The following COL6A2 variants were observed in gnomAD, a reference collection of about 807,000 sequenced individuals.
COL6A2 encodes the protein collagen alpha-2(VI) chain.
Under a neutral mutation model 124.9 loss-of-function variants are expected in COL6A2, and 90 were observed. The observed-to-expected ratio is 0.72, with a 90% CI of 0.61 to 0.86. The LOEUF (loss-of-function observed/expected upper bound fraction) is 0.86. Ranked by LOEUF, COL6A2 falls within the 40% of genes least tolerant of loss-of-function variation. The pLI is 0.00. For missense variants in COL6A2, 1,607 were observed against 1,502.5 expected (o/e 1.07, Z -1.15); for synonymous variants, 793 against 618.2 (o/e 1.28, Z -4.19).
At position 46,125,882 on chromosome 21, in the gene COL6A2, G is replaced by A. The variant is rs1601250154; in HGVS notation, c.2067G>A (p.Glu689=). The part of the protein sequence containing the change: ...ERIDSLSSFK[E]AVKNLEWIAG... ...TCGACTCCCTGTCGAGCTTCAAGGA[G>A]GCTGTCAAGAACCTCGAGTGGATTG... The change falls in exon 26 of 28, where the codon GAG becomes GAA. Residue 689 remains glutamate, a synonymous_variant. Transcript: ENST00000300527. The A allele has an allele frequency of 1.9e-6, 3 of 1,613,174 alleles. No individual in the cohort carries two copies. Among genetic ancestry groups the A allele is most frequent in the Non-Finnish European group, 2.5e-6 (3 of 1,179,982 alleles).
intron 1 of COL6A2, among the ~76,000 whole-genome samples, chr21:46,103,943 C>G (rs1370587482): frequency 6.6e-6 from 1 of 152,138 alleles, no homozygotes; most frequent in Non-Finnish European, 1.5e-5. Flanking sequence ...CTAGCACATT[C>G]AAAAGCAACC....
intron 1 of COL6A2, among the ~76,000 whole-genome samples, chr21:46,101,323 C>G: frequency 6.6e-6 from 1 of 152,164 alleles, no homozygotes; most frequent in East Asian, 1.9e-4. Context: ...TTATTAGATA[C>G]ACAGTTTACA....
intron 1 of COL6A2, among the ~76,000 whole-genome samples, chr21:46,099,904 T>TTTTTTTTTC: frequency 6.8e-6 from 1 of 147,446 alleles, no homozygotes. Context: ...TTTTTTTTTT[T>TTTTTTTTTC]TTTTTTTTCT....
At position 46,125,898 on chromosome 21, in the gene COL6A2, G is replaced by A. The variant is rs377376395; in HGVS notation, c.2083G>A (p.Glu695Lys). Residue 695 changes from glutamate (E) to lysine (K), a missense_variant, in exon 26 of 28, where the codon GAG (glutamate) becomes AAG (lysine). This residue lies in a region of COL6A2 where 1,223 missense variants were observed against 1,052.2 expected (regional missense o/e 1.16). Coordinates refer to ENST00000300527, the MANE Select transcript of COL6A2 (RefSeq NM_001849.4). ...CTTCAAGGAGGCTGTCAAGAACCTC[G>A]AGTGGATTGCGGGCGGCACCTGGAC... ...SSFKEAVKNL[E>K]WIAGGTWTPS... The A allele has an allele frequency of 7.5e-5, 121 of 1,613,180 alleles. 1 individual carries two copies. The highest frequency in any genetic ancestry group is 8.6e-5 in the Non-Finnish European group (101 of 1,179,976).
At position 46,124,896 on chromosome 21, in the gene COL6A2, C is replaced by T. The variant is rs1158803111; in HGVS notation, c.1746C>T (p.Gly582=). Residue 582 remains glycine (G), a synonymous_variant, in exon 23 of 28, where the codon GGC becomes GGT. Coordinates refer to ENST00000300527, the MANE Select transcript of COL6A2 (RefSeq NM_001849.4). ...RGVPGPEGEP[G]PPGDPGLTEC... ...CCTTCCTTCCCCAGGGTGAGCCCGGCCCCCCTGGAGACCCCGGTCTCACGG... is the reference window on the plus strand; with the variant it reads ...CCTTCCTTCCCCAGGGTGAGCCCGGTCCCCCTGGAGACCCCGGTCTCACGG... 6 of 1,612,694 alleles carry T rather than the reference C, an allele frequency of 3.7e-6. No individual in the cohort carries two copies. The East Asian group carries it at 6.7e-5, about 18-fold the overall frequency.
At chr21:46,126,331 G>A (rs1384533354) in intron 26 of COL6A2, 94 bp downstream of exon 26, 43 of 1,517,550 alleles carry the variant, frequency 2.8e-5, no homozygotes, top group Non-Finnish European at 3.5e-5. Context: ...CCTGAGGGAT[G>A]AATGTGCAGC....
At position 46,119,113 on chromosome 21, in the gene COL6A2, C is replaced by T. The variant is rs778836612; in HGVS notation, c.1263C>T (p.Gly421=). 46 of 1,609,854 alleles carry T rather than the reference C, an allele frequency of 2.9e-5. No homozygotes were observed. Among genetic ancestry groups the T allele is most frequent in the East Asian group, 2.5e-4 (11 of 44,730 alleles). ...KGGPGPRGPK[G]EPGRRGDPGT... ...GGCCTGGGCCCCGCGGACCCAAAGG[C>T]GAGCCGGTGAGTCCCTCCTGCCCCT... is the stretch of plus-strand genomic sequence containing the variant. The change falls in exon 14 of 28, where the codon GGC becomes GGT. Residue 421 remains glycine (G), a synonymous_variant. Coordinates refer to ENST00000300527, the MANE Select transcript of COL6A2 (RefSeq NM_001849.4).
At chr21:46,112,669 T>G (rs2078421479) in intron 3 of COL6A2, 92 bp downstream of exon 3, 2 of 1,590,420 alleles carry the variant, frequency 1.3e-6, no homozygotes, top group Non-Finnish European at 8.6e-7. Context: ...CCTCTGTGAG[T>G]GCGGAGGCCG....
Position 46,126,204 on chromosome 21 carries a change from TTCA to T in COL6A2, c.2392_2394del (p.Ile798del), listed in dbSNP as rs886043731. On this transcript the variant is annotated inframe_deletion, in exon 26 of 28. Transcript: ENST00000300527. Reference sequence around the variant, plus strand: ...GTTCTCCGACCTGGTCGCTGAGAAGTTCATCGATGACATGGAGGACGTCCTCTG... The same window carrying T: ...GTTCTCCGACCTGGTCGCTGAGAAGTTCGATGACATGGAGGACGTCCTCTG... The T allele has an allele frequency of 6.2e-7, 1 of 1,602,146 alleles. No individual in the cohort carries two copies. The highest frequency in any genetic ancestry group is 8.5e-7 in the Non-Finnish European group (1 of 1,179,472).
chr21:46,130,603 C>T (rs920522013), intron 27 of COL6A2, among the ~76,000 whole-genome samples: 9 of 152,176 alleles, frequency 5.9e-5, no homozygotes, highest in Non-Finnish European at 4.4e-5. Flanking sequence ...TGTGCCTGGC[C>T]GGCCCCCACA....
chr21:46,131,196 C>G (rs946670913), intron 27 of COL6A2, among the ~76,000 whole-genome samples: 3 of 152,244 alleles, frequency 2.0e-5, no homozygotes, highest in Non-Finnish European at 4.4e-5. Flanking sequence ...CAGGTCCACG[C>G]AAGGACTGTC....
chr21:46,124,912 G>A lies in COL6A2; in HGVS notation c.1762G>A (p.Gly588Ser), dbSNP rs139488626. 1.0e-4 allele frequency: 161 copies of A among 1,612,904 alleles called. No homozygotes were observed. The highest frequency in any genetic ancestry group is 8.8e-4 in the African/African-American group (66 of 75,042). Residue 588 changes from glycine to serine, a missense_variant, in exon 23 of 28, where the codon GGT becomes AGT. This residue lies in a region of COL6A2 where 1,223 missense variants were observed against 1,052.2 expected (regional missense o/e 1.16). Transcript: ENST00000300527. ...EGEPGPPGDP[G>S]LTECDVMTYV... ...TGAGCCCGGCCCCCCTGGAGACCCC[G>A]GTCTCACGGTAGGTGTCACATGGGG...
At chr21:46,120,430 A>G in intron 15 of COL6A2, 85 bp from the exon 16 acceptor site, 1 of 1,125,100 alleles carries the variant, frequency 8.9e-7, no homozygotes. Context: ...CCCTTCCCCA[A>G]CCCCCGGCCA....
intron 27 of COL6A2, chr21:46,129,001 C>T (rs987823496): frequency 1.9e-6 from 3 of 1,606,350 alleles, no homozygotes; most frequent in Middle Eastern, 3.3e-4. Flanking sequence ...TGCCAGCTTC[C>T]TGTCCCTGTG....
rs752588419 is a variant in COL6A2, at chr21:46,115,874, T to C, written c.804T>C (p.Gly268=). The part of the protein sequence containing the change: ...SGPKGYRGQK[G]AKGNMGEPGE... Reference sequence around the variant, plus strand: ...TGTACTCTTTTCTCTGCTTTTAGGGTGCCAAGGGCAACATGGGTGAGCCGG... The same window carrying C: ...TGTACTCTTTTCTCTGCTTTTAGGGCGCCAAGGGCAACATGGGTGAGCCGG... Residue 268 remains glycine, a splice_region_variant and synonymous_variant, in exon 6 of 28, where the codon GGT becomes GGC. Coordinates refer to ENST00000300527, the MANE Select transcript of COL6A2 (RefSeq NM_001849.4). 6.2e-7 allele frequency: 1 copy of C among 1,612,640 alleles called. No homozygotes were observed. Among genetic ancestry groups the C allele is most frequent in the Non-Finnish European group, 8.5e-7 (1 of 1,179,948 alleles).
intron 12 of COL6A2, 55 bp from the exon 13 acceptor site, chr21:46,118,559 T>G (rs1407731138): frequency 7.0e-6 from 11 of 1,578,032 alleles, no homozygotes; most frequent in East Asian, 6.8e-5. Context: ...GCGGGCATCC[T>G]GCACCCCCCT....
chr21:46,114,093 T>A lies in COL6A2; in HGVS notation c.801+20T>A, dbSNP rs938112904. 6.2e-7 allele frequency: 1 copy of A among 1,601,988 alleles called. No homozygotes were observed. The highest frequency in any genetic ancestry group is 1.3e-5 in the African/African-American group (1 of 74,670). ...CAGAAGGTAAGATGCCCAGATTACC[T>A]GCAGGGTCTGCGCTACCAGGAAGCC... On this transcript the variant is annotated intron_variant, in intron 5 of 27. Coordinates refer to ENST00000300527, the MANE Select transcript of COL6A2 (RefSeq NM_001849.4).
At chr21:46,127,688 G>T (rs963475706) in intron 27 of COL6A2, among the ~76,000 whole-genome samples, 1 of 151,804 alleles carries the variant, frequency 6.6e-6, no homozygotes, top group Non-Finnish European at 1.5e-5. Flanking sequence ...CATGATGGGC[G>T]ACATGGCGAT....
rs2078664599 is a variant in COL6A2 at position 46,126,197 on chromosome 21, T to C, written c.2382T>C (p.Ala794=). Residue 794 remains alanine, a synonymous_variant, in exon 26 of 28, where the codon GCT becomes GCC. Transcript: ENST00000300527. ...TGACGCTGTTCTCCGACCTGGTCGC[T>C]GAGAAGTTCATCGATGACATGGAGG... ...RNMTLFSDLV[A]EKFIDDMEDV... is the part of the protein sequence containing the mutation. 6.2e-7 allele frequency: 1 copy of C among 1,603,348 alleles called. No individual in the cohort carries two copies. The highest frequency in any genetic ancestry group is 8.5e-7 in the Non-Finnish European group (1 of 1,179,532).
Sources: gnomAD v4.1 joint callset for allele counts (sites outside exome capture counted in the v4.1 genomes callset) on GRCh38, gnomAD v4.1.1 for gene constraint, gnomAD v4.1.1 regional missense constraint, MANE v1.5 for transcripts, NCBI Gene and HGNC (gene_info 2026-07-23, HGNC 2026-07-21) for gene names.